BUB1B: variants seen among roughly 807,000 people sequenced by gnomAD.
BUB1B encodes mitotic checkpoint serine/threonine-protein kinase BUB1 beta.
BUB1B carries 86 observed loss-of-function variants against 137.7 expected under a neutral mutation model. That is an observed-to-expected ratio of 0.62 (90% confidence interval 0.52 to 0.75). The LOEUF (loss-of-function observed/expected upper bound fraction) is 0.75, where lower values mean the gene tolerates loss of function less well. Among genes scored for constraint, BUB1B ranks in the 30% least tolerant of loss-of-function variants. BUB1B has a pLI of 0.00. For synonymous variants in BUB1B, 420 were observed against 417.9 expected (o/e 1.00, Z -0.06); for missense variants, 1,130 against 1,236.9 (o/e 0.91, Z 1.30).
At chr15:40,163,363 C>T (rs569824429) in intron 1 of BUB1B, among the ~76,000 whole-genome samples, 26 of 152,344 alleles carry the variant, frequency 1.7e-4, no homozygotes, top group African/African-American at 6.0e-4. Flanking sequence ...TGCTTAAGCT[C>T]AGCGGTTCAA....
At chr15:40,174,864 T>C (rs1167858369) in intron 4 of BUB1B, among the ~76,000 whole-genome samples, 6 of 152,108 alleles carry the variant, frequency 3.9e-5, no homozygotes, top group Non-Finnish European at 7.4e-5. Context: ...CTCGGGAGGC[T>C]GAGGCAGGAG....
intron 5 of BUB1B, among the ~76,000 whole-genome samples, chr15:40,181,466 A>G (rs2037293147): frequency 6.6e-6 from 1 of 151,260 alleles, no homozygotes; most frequent in Admixed American, 6.6e-5. Context: ...CTTTCACAAA[A>G]TTTGACAAGT....
Position 40,220,850 on chromosome 15 carries a change from A to G in BUB1B, c.*91A>G. On this transcript the variant is annotated 3_prime_UTR_variant, in exon 23 of 23. Transcript: ENST00000287598. The stretch of plus-strand genomic sequence containing the variant: ...TGTATGTGCTGTAATTTAATTTAGG[A>G]CACATTTAGATGCACTACCATTGCT... The G allele has an allele frequency of 7.3e-7, 1 of 1,368,694 alleles. No individual in the cohort carries two copies. Among genetic ancestry groups the G allele is most frequent in the Non-Finnish European group, 1.0e-6 (1 of 962,066 alleles). 84.8% of individuals were successfully genotyped at this position (1,368,694 alleles called of 1,614,324 possible).
intron 8 of BUB1B, among the ~76,000 whole-genome samples, chr15:40,194,374 T>C (rs908936769): frequency 6.6e-6 from 1 of 152,222 alleles, no homozygotes; most frequent in Non-Finnish European, 1.5e-5. Flanking sequence ...TACAGTGTTG[T>C]ATAGAAGTGA....
chr15:40,182,786 G>A (rs1035847935), intron 5 of BUB1B, among the ~76,000 whole-genome samples: 1 of 152,070 alleles, frequency 6.6e-6, no homozygotes, highest in Non-Finnish European at 1.5e-5. Context: ...GAAAGATGGG[G>A]TTTCTCTGAG....
intron 16 of BUB1B, among the ~76,000 whole-genome samples, chr15:40,209,253 T>G (rs775346835): frequency 6.6e-6 from 1 of 152,172 alleles, no homozygotes; most frequent in African/African-American, 2.4e-5. Flanking sequence ...ACCCCAACTC[T>G]ACTAAAAATA....
At chr15:40,213,304 A>C (rs1400394096) in intron 19 of BUB1B, 28 bp from the exon 20 acceptor site, 1 of 1,612,188 alleles carries the variant, frequency 6.2e-7, no homozygotes, top group Non-Finnish European at 8.5e-7. Context: ...CTTGAGAAAT[A>C]GTGAGTTTTC....
chr15:40,178,462 G>A (rs1396163623), intron 5 of BUB1B, among the ~76,000 whole-genome samples: 1 of 151,898 alleles, frequency 6.6e-6, no homozygotes, highest in Non-Finnish European at 1.5e-5. Context: ...AATTTGTTAA[G>A]GTTTGTTTTA....
At chr15:40,166,154 C>T (rs1215914304) in intron 2 of BUB1B, among the ~76,000 whole-genome samples, 1 of 152,062 alleles carries the variant, frequency 6.6e-6, no homozygotes, top group Non-Finnish European at 1.5e-5. Context: ...CACTCAGCCT[C>T]ATTCATCATA....
Position 40,200,961 on chromosome 15 carries a change from G to A in BUB1B, c.1548G>A (p.Gln516=). ...RETSLAENIW[Q]EQPHSKGPSV... ...CTTCACTTGCGGAGAACATTTGGCA[G>A]GAACAACCTCATTCTAAAGGTGAGT... Residue 516 remains glutamine (Q), a synonymous_variant, in exon 12 of 23, where the codon CAG becomes CAA. Coordinates refer to ENST00000287598, the MANE Select transcript of BUB1B (RefSeq NM_001211.6). The A allele has an allele frequency of 6.2e-7, 1 of 1,613,298 alleles. No homozygotes were observed. Among genetic ancestry groups the A allele is most frequent in the Non-Finnish European group, 8.5e-7 (1 of 1,179,548 alleles).
chr15:40,164,944 T>C lies in BUB1B; in HGVS notation c.36-109T>C. The C allele has an allele frequency of 1.5e-6, 2 of 1,362,142 alleles. 1 individual carries two copies. Among genetic ancestry groups the C allele is most frequent in the Non-Finnish European group, 2.1e-6 (2 of 968,704 alleles). 84.4% of individuals were successfully genotyped at this position (1,362,142 alleles called of 1,614,324 possible). A position where few individuals can be genotyped will look rare whatever the true frequency, so the allele number is the denominator to read the frequency against. The stretch of plus-strand genomic sequence containing the variant: ...ATAATAATTATGTGTCAGTCCACTA[T>C]ATTCAACCCAAGACCATGAATAATC... On this transcript the variant is annotated intron_variant, in intron 1 of 22. Coordinates refer to ENST00000287598, the MANE Select transcript of BUB1B (RefSeq NM_001211.6).
chr15:40,203,204 A>G (rs2037596517), intron 14 of BUB1B, among the ~76,000 whole-genome samples: 1 of 152,250 alleles, frequency 6.6e-6, no homozygotes, highest in Non-Finnish European at 1.5e-5. Flanking sequence ...CCATACCATG[A>G]AATATTATTT....
At chr15:40,193,844 C>T (rs569311723) in intron 8 of BUB1B, among the ~76,000 whole-genome samples, 13 of 150,206 alleles carry the variant, frequency 8.7e-5, no homozygotes, top group African/African-American at 2.7e-4. Context: ...CAGTGAACTG[C>T]GATCATGCCA....
At chr15:40,206,042 TAA>T in intron 14 of BUB1B, 140 bp from the exon 15 acceptor site, 1 of 831,326 alleles carries the variant, frequency 1.2e-6, no homozygotes, top group Non-Finnish European at 1.9e-6. Context: ...GTTCATGATA[TAA>T]AAACCTTTTT....
chr15:40,206,323 T>A lies in BUB1B; in HGVS notation c.1874T>A (p.Ile625Lys), dbSNP rs2037635948. 1 of 1,614,076 alleles carries A rather than the reference T, an allele frequency of 6.2e-7. No homozygotes were observed. Among genetic ancestry groups the A allele is most frequent in the Non-Finnish European group, 8.5e-7 (1 of 1,180,046 alleles). ...TTTGTATCCACTCCTTTTCATGAGA[T>A]AATGTCCTTGAAGGATCTCCCTTCT... ...ARFVSTPFHE[I>K]MSLKDLPSDP... Residue 625 changes from isoleucine (I) to lysine (K), a missense_variant, in exon 15 of 23, where the codon ATA (isoleucine) becomes AAA (lysine). By Grantham distance (102) the Ile-to-Lys change is moderately radical (BLOSUM62 -3). Transcript: ENST00000287598.
intron 5 of BUB1B, 131 bp downstream of exon 5, chr15:40,176,804 A>G: frequency 1.0e-6 from 1 of 978,822 alleles, no homozygotes; most frequent in South Asian, 1.7e-5. Flanking sequence ...CAATTTTTTT[A>G]AAGATATATT....
At chr15:40,196,400 G>C in intron 8 of BUB1B, 145 bp from the exon 9 acceptor site, 1 of 711,740 alleles carries the variant, frequency 1.4e-6, no homozygotes, top group Non-Finnish European at 2.4e-6. Context: ...TTACAGCATA[G>C]TTTGAAGTCA....
At chr15:40,183,946 G>T (rs2037328328) in intron 6 of BUB1B, 63 bp downstream of exon 6, 1 of 1,544,414 alleles carries the variant, frequency 6.5e-7, no homozygotes, top group Admixed American at 1.7e-5. Flanking sequence ...CATGTAAGAA[G>T]ATAATACATA....
chr15:40,199,808 C>A, intron 10 of BUB1B, 81 bp downstream of exon 10: 1 of 1,064,806 alleles, frequency 9.4e-7, no homozygotes, highest in Non-Finnish European at 1.4e-6. Context: ...AGGTTAAAGT[C>A]CTCCCAACCC....
Sources: gnomAD v4.1 joint callset for allele counts (sites outside exome capture counted in the v4.1 genomes callset) on GRCh38, gnomAD v4.1.1 for gene constraint, MANE v1.5 for transcripts, NCBI Gene and HGNC (gene_info 2026-07-23, HGNC 2026-07-21) for gene names.